The following AIG1 variants were observed in gnomAD, a reference collection of about 807,000 sequenced individuals.
The protein encoded by AIG1 is androgen-induced gene 1 protein.
Under a neutral mutation model 31.4 loss-of-function variants are expected in AIG1, and 23 were observed. That is an observed-to-expected ratio of 0.73 (90% CI 0.53 to 1.04). AIG1 has a LOEUF of 1.04. Ranked by LOEUF, AIG1 falls within the 50% of genes least tolerant of loss-of-function variation. AIG1 has a pLI of 0.00. For synonymous variants in AIG1, 100 were observed against 110.5 expected (o/e 0.90, Z 0.60); for missense variants, 274 against 295.0 (o/e 0.93, Z 0.52).
chr6:143,166,346 C>T (rs941572507), intron 3 of AIG1, among the ~76,000 whole-genome samples: 5 of 152,146 alleles, frequency 3.3e-5, no homozygotes, highest in African/African-American at 1.2e-4. Flanking sequence ...CTATGGCCTT[C>T]TCCAACTTTT....
chr6:143,308,066 A>G (rs1306317611), intron 4 of AIG1, among the ~76,000 whole-genome samples: 2 of 152,204 alleles, frequency 1.3e-5, no homozygotes, highest in Non-Finnish European at 2.9e-5. Context: ...GGAGAAGCGC[A>G]GTATTGGGGT....
intron 3 of AIG1, among the ~76,000 whole-genome samples, chr6:143,238,977 A>G (rs968267966): frequency 6.6e-6 from 1 of 152,220 alleles, no homozygotes; most frequent in African/African-American, 2.4e-5. Context: ...GGCAGCCTAA[A>G]AGAACCTCAG....
intron 4 of AIG1, among the ~76,000 whole-genome samples, chr6:143,312,534 C>G (rs1775379347): frequency 6.6e-6 from 1 of 152,112 alleles, no homozygotes; most frequent in Admixed American, 6.6e-5. Context: ...AGACCCCTAT[C>G]TCTTGCTATA....
At chr6:143,225,189 C>T (rs1792851481) in intron 3 of AIG1, among the ~76,000 whole-genome samples, 1 of 152,192 alleles carries the variant, frequency 6.6e-6, no homozygotes, top group Non-Finnish European at 1.5e-5. Context: ...AGTGTGGCCT[C>T]TTCCAGAAAG....
At chr6:143,239,183 G>A (rs1794033374) in intron 3 of AIG1, among the ~76,000 whole-genome samples, 1 of 152,218 alleles carries the variant, frequency 6.6e-6, no homozygotes, top group African/African-American at 2.4e-5. Flanking sequence ...AGTGGGGCAG[G>A]TGGTGATGAG....
intron 3 of AIG1, among the ~76,000 whole-genome samples, chr6:143,261,987 T>C (rs1345425229): frequency 6.6e-6 from 1 of 152,240 alleles, no homozygotes; most frequent in Non-Finnish European, 1.5e-5. Flanking sequence ...ATTTGAGTTA[T>C]GAGAGAGAGT....
chr6:143,167,023 A>G (rs558584180), intron 3 of AIG1, among the ~76,000 whole-genome samples: 1 of 152,320 alleles, frequency 6.6e-6, no homozygotes, highest in South Asian at 2.1e-4. Flanking sequence ...TAAGAGGAAC[A>G]TCTTCAGGGT....
chr6:143,193,571 C>A (rs1240712690), intron 3 of AIG1, among the ~76,000 whole-genome samples: 3 of 152,214 alleles, frequency 2.0e-5, no homozygotes, highest in Non-Finnish European at 4.4e-5. Flanking sequence ...ATGATCATAG[C>A]AATAGCAATT....
intron 3 of AIG1, chr6:143,189,665 GT>G (rs1340409370): frequency 5.6e-5 from 55 of 985,140 alleles, no homozygotes; most frequent in Non-Finnish European, 7.2e-6. Flanking sequence ...TTAAATTGCA[GT>G]ATCATCCTTT....
In AIG1 at chr6:143,339,818, T is replaced by C. The variant is rs1028149002; in HGVS notation, c.*142T>C. On this transcript the variant is annotated 3_prime_UTR_variant, in exon 6 of 6. Coordinates refer to ENST00000357847, the MANE Select transcript of AIG1 (RefSeq NM_016108.4). ...TCCCCCAATGAGGACACCTTTTATATATAAATATGTATAAACATAGAATAC... is the reference window on the plus strand; with the variant it reads ...TCCCCCAATGAGGACACCTTTTATACATAAATATGTATAAACATAGAATAC... 2.0e-5 allele frequency: 13 copies of C among 640,786 alleles called. No homozygotes were observed. The highest frequency in any genetic ancestry group is 3.1e-5 in the Non-Finnish European group (12 of 384,684). The allele number at this position is 640,786 out of a possible 1,614,324, so 39.7% of individuals were successfully genotyped here. A position where few individuals can be genotyped will look rare whatever the true frequency, so the allele number is the denominator to read the frequency against.
intron 3 of AIG1, among the ~76,000 whole-genome samples, chr6:143,171,477 A>ATT (rs1472206462): frequency 5.8e-5 from 7 of 120,990 alleles, no homozygotes; most frequent in Admixed American, 9.7e-5. Flanking sequence ...TAATATATAT[A>ATT]ATATATATTA....
chr6:143,141,405 C>T (rs548354716), intron 2 of AIG1, among the ~76,000 whole-genome samples: 13 of 152,272 alleles, frequency 8.5e-5, no homozygotes, highest in African/African-American at 3.1e-4. Context: ...ACCCATGCAC[C>T]TAGTGCATCC....
At chr6:143,094,632 G>A (rs1360702645) in intron 1 of AIG1, among the ~76,000 whole-genome samples, 2 of 151,960 alleles carry the variant, frequency 1.3e-5, no homozygotes, top group African/African-American at 4.8e-5. Flanking sequence ...CATAGATCTG[G>A]GACTAGAATA....
At position 143,330,945 on chromosome 6, in the gene AIG1, C is replaced by A. The variant is rs561285028; in HGVS notation, c.516-2337C>A. Among the ~76,000 whole-genome samples the A allele has an allele frequency of 2.6e-5, 4 of 152,312 alleles. No homozygotes were observed. In the East Asian group the frequency reaches 5.8e-4, roughly 22 times the overall value. On this transcript the variant is annotated intron_variant, in intron 4 of 5. Transcript: ENST00000357847. The surrounding 1 kb of genome is among the most constrained non-coding windows in gnomAD (Gnocchi z 4.4). ...GGTAGTTCTAACCATTTAATTTCTG[C>A]GGATTCTCACAACTGCTTCAGCTTT...
At position 143,194,286 on chromosome 6, in the gene AIG1, A is replaced by C. The variant is rs961861578; in HGVS notation, c.399+29103A>C. 3.3e-5 allele frequency among the ~76,000 whole-genome samples: 5 copies of C among 152,308 alleles called. No individual in the cohort carries two copies. The South Asian group carries it at 1.0e-3, about 32-fold the overall frequency. On this transcript the variant is annotated intron_variant, in intron 3 of 5. Transcript: ENST00000357847. The stretch of plus-strand genomic sequence containing the variant: ...AAGCATGTGAAGGAAGAACTGTCAA[A>C]CACTCACAAAACCATTAGATCTCAT...
chr6:143,245,524 C>T (rs1794557845), intron 3 of AIG1, among the ~76,000 whole-genome samples: 1 of 152,118 alleles, frequency 6.6e-6, no homozygotes, highest in African/African-American at 2.4e-5. Flanking sequence ...TATGTCAGTA[C>T]AAAAATCCAA....
intron 3 of AIG1, among the ~76,000 whole-genome samples, chr6:143,282,500 A>G (rs1583725841): frequency 6.6e-6 from 1 of 152,326 alleles, no homozygotes; most frequent in East Asian, 1.9e-4. Flanking sequence ...TAAAATGCAT[A>G]CTGTCTCTGT....
intron 1 of AIG1, among the ~76,000 whole-genome samples, chr6:143,085,128 G>A (rs576570005): frequency 1.3e-5 from 2 of 152,202 alleles, no homozygotes; most frequent in East Asian, 1.9e-4. Flanking sequence ...AATTTACCTA[G>A]GTCTATTTTA....
chr6:143,104,600 C>A (rs1001609301), intron 1 of AIG1, among the ~76,000 whole-genome samples: 6 of 152,102 alleles, frequency 3.9e-5, no homozygotes, highest in Non-Finnish European at 8.8e-5. Context: ...TCAGAGAAAA[C>A]ATAGAAACTA....
Sources: gnomAD v4.1 joint callset for allele counts (sites outside exome capture counted in the v4.1 genomes callset) on GRCh38, gnomAD v4.1.1 for gene constraint, Gnocchi (gnomAD v3.1) non-coding constraint, MANE v1.5 for transcripts, NCBI Gene and HGNC (gene_info 2026-07-23, HGNC 2026-07-21) for gene names.